Variants in TNFRSF19 observed in about 807,000 individuals in gnomAD.
TNFRSF19 encodes the protein TNF receptor superfamily member 19, also known as tumor necrosis factor receptor superfamily member 19.
In TNFRSF19, 27 loss-of-function variants were observed where a neutral mutation model predicts 46.4. The observed-to-expected ratio is 0.58, with a 90% CI of 0.43 to 0.80. TNFRSF19 has a LOEUF of 0.80. TNFRSF19 is among the 30% of genes least tolerant of loss of function. The pLI, the probability that TNFRSF19 is intolerant of heterozygous loss-of-function variation, is 0.00. For missense variants in TNFRSF19, 511 were observed against 530.8 expected (o/e 0.96, Z 0.37); for synonymous variants, 204 against 205.0 (o/e 1.00, Z 0.04).
rs554982379 is a variant in TNFRSF19, at chr13:23,604,938, A to G, written c.181-10929A>G. Among the ~76,000 whole-genome samples the G allele has an allele frequency of 9.2e-5, 14 of 152,322 alleles. No homozygotes were observed. The East Asian group carries it at 1.5e-3, about 17-fold the overall frequency. On this transcript the variant is annotated intron_variant, in intron 3 of 9. Transcript: ENST00000248484. Reference sequence around the variant, plus strand: ...GACTGTTTTATATGACACCAAAGGCACAACCTATGAAAGAAAGAATTAATA... The same window carrying G: ...GACTGTTTTATATGACACCAAAGGCGCAACCTATGAAAGAAAGAATTAATA...
chr13:23,581,127 C>CTT (rs1226042943), intron 1 of TNFRSF19, among the ~76,000 whole-genome samples: 1,663 of 123,228 alleles, frequency 0.013, 48 homozygotes, highest in African/African-American at 0.046. Flanking sequence ...TTCTTTTTTT[C>CTT]TTTTCTTTTT....
chr13:23,639,404 TA>T (rs1021211502), intron 5 of TNFRSF19, among the ~76,000 whole-genome samples: 2 of 152,044 alleles, frequency 1.3e-5, no homozygotes, highest in East Asian at 1.9e-4. Context: ...AAAGATAATT[TA>T]AAAAAAATTT....
At chr13:23,665,583 C>T (rs370874188) in intron 7 of TNFRSF19, among the ~76,000 whole-genome samples, 1 of 151,868 alleles carries the variant, frequency 6.6e-6, no homozygotes, top group African/African-American at 2.4e-5. Flanking sequence ...CAAATATTAA[C>T]GTTACCCATG....
At chr13:23,619,194 A>T (rs1487384682) in intron 4 of TNFRSF19, among the ~76,000 whole-genome samples, 2 of 147,262 alleles carry the variant, frequency 1.4e-5, no homozygotes, top group African/African-American at 5.0e-5. Flanking sequence ...AATATTATTC[A>T]TCAGTAAAAA....
At chr13:23,614,514 G>A (rs1881123082) in intron 3 of TNFRSF19, among the ~76,000 whole-genome samples, 1 of 151,844 alleles carries the variant, frequency 6.6e-6, no homozygotes, top group South Asian at 2.1e-4. Flanking sequence ...TAGCATCCAG[G>A]GTTTACAAAT....
At chr13:23,591,728 C>CTTTCT (rs1423278053) in intron 2 of TNFRSF19, among the ~76,000 whole-genome samples, 1 of 103,654 alleles carries the variant, frequency 9.6e-6, no homozygotes, top group African/African-American at 3.4e-5. Context: ...TTCTTTCTTT[C>CTTTCT]TTTTTTTTTT....
intron 2 of TNFRSF19, among the ~76,000 whole-genome samples, chr13:23,591,345 T>C (rs533236009): frequency 8.5e-5 from 13 of 152,108 alleles, no homozygotes; most frequent in African/African-American, 2.9e-4. Flanking sequence ...CCTAGCTACT[T>C]GAGAGGATGA....
At chr13:23,624,352 C>T (rs994405914) in intron 4 of TNFRSF19, among the ~76,000 whole-genome samples, 3 of 151,578 alleles carry the variant, frequency 2.0e-5, no homozygotes, top group African/African-American at 7.3e-5. Context: ...ATTTTTACTT[C>T]ATAAATTCCA....
At chr13:23,587,345 A>G (rs1375097290) in intron 1 of TNFRSF19, among the ~76,000 whole-genome samples, 1 of 151,946 alleles carries the variant, frequency 6.6e-6, no homozygotes, top group Non-Finnish European at 1.5e-5. Context: ...CACACTTATA[A>G]CCCTCCACCA....
At position 23,616,037 on chromosome 13, in the gene TNFRSF19, C is replaced by A; in HGVS notation, c.351C>A (p.Cys117Ter). ...SATSDAICGD[C>*]LPGFYRKTKL... ...CCAGTGATGCCATCTGCGGGGACTG[C>A]TTGCCAGGGTGAGTTGGCCAGTTTC... is the stretch of plus-strand genomic sequence containing the variant. The change falls in exon 4 of 10, where the codon TGC becomes TGA. Residue 117 changes from cysteine to a stop codon, truncating the protein, a stop_gained. Transcript: ENST00000248484. LOFTEE classifies it high-confidence loss of function. 6.3e-7 allele frequency: 1 copy of A among 1,590,286 alleles called. No homozygotes were observed. Among genetic ancestry groups the A allele is most frequent in the Non-Finnish European group, 8.6e-7 (1 of 1,165,950 alleles).
chr13:23,580,174 A>G (rs1050075207), intron 1 of TNFRSF19, among the ~76,000 whole-genome samples: 4 of 152,206 alleles, frequency 2.6e-5, no homozygotes, highest in African/African-American at 7.2e-5. Context: ...CCTGGAGATC[A>G]AGTTTGGCGG....
chr13:23,627,019 C>T (rs758919720), intron 5 of TNFRSF19, among the ~76,000 whole-genome samples: 1 of 152,172 alleles, frequency 6.6e-6, no homozygotes, highest in African/African-American at 2.4e-5. Context: ...GGAGTGCAGA[C>T]ATTTTGCCAC....
At chr13:23,601,218 CAAAG>C (rs1880136677) in intron 3 of TNFRSF19, among the ~76,000 whole-genome samples, 1 of 151,712 alleles carries the variant, frequency 6.6e-6, no homozygotes. Flanking sequence ...TGCAGAAAAA[CAAAG>C]AAAAAACCCT....
intron 1 of TNFRSF19, among the ~76,000 whole-genome samples, chr13:23,574,008 G>C (rs1343341937): frequency 2.7e-5 from 4 of 145,678 alleles, no homozygotes; most frequent in Non-Finnish European, 5.9e-5. Flanking sequence ...CTTTCAGTGA[G>C]CCGAGATGGC....
chr13:23,674,399 G>GT lies in TNFRSF19; in HGVS notation c.*1022dup, dbSNP rs918533347. ...AGAAGAAAATGCACAATTTGTAGGG[G>GT]TTTGGATGAAGCAGCTGTAACTGCC... On this transcript the variant is annotated 3_prime_UTR_variant, in exon 10 of 10. Coordinates refer to ENST00000248484, the MANE Select transcript of TNFRSF19 (RefSeq NM_148957.4). 1 of 152,218 alleles carries GT rather than the reference G, an allele frequency of 6.6e-6. No individual in the cohort carries two copies. The highest frequency in any genetic ancestry group is 1.5e-5 in the Non-Finnish European group (1 of 68,046). The allele number at this position is 152,218 out of a possible 1,614,324, so 9.4% of individuals were successfully genotyped here.
Position 23,590,223 on chromosome 13 carries a change from T to C in TNFRSF19, c.40T>C (p.Phe14Leu). 6.3e-7 allele frequency: 1 copy of C among 1,593,484 alleles called. No individual in the cohort carries two copies. The highest frequency in any genetic ancestry group is 8.5e-7 in the Non-Finnish European group (1 of 1,169,848). ...GCTACTAGAACAAGAGAAAACGTTT[T>C]TCACTCTTTTAGTATTACTAGGCTA... is the stretch of plus-strand genomic sequence containing the variant. ...KVLLEQEKTF[F>L]TLLVLLGYLS... The change falls in exon 2 of 10, where the codon TTC (phenylalanine) becomes CTC (leucine). Residue 14 changes from phenylalanine (F) to leucine (L), a missense_variant. This residue lies in a region of TNFRSF19 where 121 missense variants were observed against 124.1 expected (regional missense o/e 0.98). Transcript: ENST00000248484.
intron 1 of TNFRSF19, among the ~76,000 whole-genome samples, chr13:23,584,508 C>T (rs1020576270): frequency 1.3e-5 from 2 of 151,606 alleles, no homozygotes; most frequent in Non-Finnish European, 2.9e-5. Context: ...CATATTTTTG[C>T]AACTACGAAT....
At chr13:23,614,034 T>G (rs536091715) in intron 3 of TNFRSF19, among the ~76,000 whole-genome samples, 109 of 152,350 alleles carry the variant, frequency 7.2e-4, no homozygotes, top group African/African-American at 2.5e-3. Context: ...AGATAATCCC[T>G]GTTAACAATT....
At chr13:23,657,835 G>A (rs1884083577) in intron 5 of TNFRSF19, among the ~76,000 whole-genome samples, 1 of 152,100 alleles carries the variant, frequency 6.6e-6, no homozygotes, top group South Asian at 2.1e-4. Flanking sequence ...TTACAGGCAT[G>A]AGCCACCGCA....
Sources: allele counts gnomAD v4.1 joint callset (sites outside exome capture counted in the v4.1 genomes callset), GRCh38; gene constraint gnomAD v4.1.1; regional missense constraint gnomAD v4.1.1; transcripts MANE v1.5; gene names NCBI Gene and HGNC (gene_info 2026-07-23, HGNC 2026-07-21).